The following CYP24A1 variants were observed in gnomAD, a reference collection of about 807,000 sequenced individuals.
The protein encoded by CYP24A1 is 1,25-dihydroxyvitamin D(3) 24-hydroxylase, mitochondrial.
CYP24A1 carries 68 observed loss-of-function variants against 62.4 expected under a neutral mutation model. The observed-to-expected ratio is 1.09, with a 90% CI of 0.90 to 1.33. CYP24A1 has a LOEUF of 1.33. CYP24A1 is among the 40% of genes most tolerant of loss of function. The pLI is 0.00. For missense variants in CYP24A1, 787 were observed against 653.0 expected, an observed-to-expected ratio of 1.21 and a Z score of -2.24; for synonymous variants, 267 against 253.0, an observed-to-expected ratio of 1.06 and a Z score of -0.52.
chr20:54,161,037 T>C (rs947641113), intron 7 of CYP24A1, among the ~76,000 whole-genome samples: 2 of 152,236 alleles, frequency 1.3e-5, no homozygotes, highest in African/African-American at 4.8e-5. Context: ...ATCAGGTGAT[T>C]CCCTTGCTTA....
Position 54,157,585 on chromosome 20 carries a change from T to C in CYP24A1, c.1237A>G (p.Thr413Ala). Reference sequence around the variant, plus strand: ...ACCTGGGTATTTAGCATGAGCACTGTCTAAACACATGCAGAGACACATAGT... The same window carrying C: ...ACCTGGGTATTTAGCATGAGCACTGCCTAAACACATGCAGAGACACATAGT... ...VLGEYALPKG[T>A]VLMLNTQVLG... Residue 413 changes from threonine to alanine, a missense_variant and splice_region_variant, in exon 10 of 12, where the codon ACA becomes GCA. Coordinates refer to ENST00000216862, the MANE Select transcript of CYP24A1 (RefSeq NM_000782.5). The C allele has an allele frequency of 6.6e-7, 1 of 1,526,496 alleles. No homozygotes were observed. 94.6% of individuals were successfully genotyped at this position (1,526,496 alleles called of 1,614,324 possible). A position where few individuals can be genotyped will look rare whatever the true frequency, so the allele number is the denominator to read the frequency against.
intron 3 of CYP24A1, 105 bp downstream of exon 3, chr20:54,171,472 G>T (rs1328897323): frequency 1.2e-6 from 2 of 1,605,766 alleles, no homozygotes; most frequent in South Asian, 1.1e-5. Context: ...TGAATCACCC[G>T]AATTGCATTC....
chr20:54,150,778 T>G (rs1010001933), downstream of CYP24A1, among the ~76,000 whole-genome samples: 1 of 152,246 alleles, frequency 6.6e-6, no homozygotes, highest in African/African-American at 2.4e-5. Flanking sequence ...AGTGTTCTCA[T>G]GAAGATCAGA....
Position 54,173,359 on chromosome 20 carries a change from A to C in CYP24A1, c.221T>G (p.Leu74Arg). Residue 74 changes from leucine (L) to arginine (R), a missense_variant, in exon 1 of 12, where the codon CTC becomes CGC. Transcript: ENST00000216862. This position sits in a 1 kb window ranked among gnomAD's most constrained non-coding sequence, Gnocchi z 7.2. Reference sequence around the variant, plus strand: ...CTGTTTCTTGAGACCCCCTTTCCAGAGAATCTGCAGCAGGCTGCCCAGCAG... The same window carrying C: ...CTGTTTCTTGAGACCCCCTTTCCAGCGAATCTGCAGCAGGCTGCCCAGCAG... ...WPLLGSLLQI[L>R]WKGGLKKQHD... 1 of 1,605,560 alleles carries C rather than the reference A, an allele frequency of 6.2e-7. No individual in the cohort carries two copies. Among genetic ancestry groups the C allele is most frequent in the Non-Finnish European group, 8.5e-7 (1 of 1,175,438 alleles).
the CYP24A1 span, among the ~76,000 whole-genome samples, chr20:54,145,639 C>CA: frequency 0.025 from 2,305 of 93,408 alleles, 27 homozygotes; most frequent in African/African-American, 0.031. Context: ...GACTCTGTCT[C>CA]AAAAAAAAAA....
At chr20:54,164,211 C>G (rs895193773) in intron 6 of CYP24A1, among the ~76,000 whole-genome samples, 3 of 152,192 alleles carry the variant, frequency 2.0e-5, no homozygotes, top group African/African-American at 7.2e-5. Flanking sequence ...GCTGGGATTA[C>G]AGGGGTGAGC....
chr20:54,156,393 C>T (rs2092628028), intron 11 of CYP24A1, among the ~76,000 whole-genome samples: 1 of 152,182 alleles, frequency 6.6e-6, no homozygotes, highest in Admixed American at 6.5e-5. Flanking sequence ...CTCAACCAAC[C>T]ATTGTTACTG....
Position 54,162,864 on chromosome 20 carries a change from T to C in CYP24A1, c.845-2A>G, listed in dbSNP as rs778754341. 3.2e-5 allele frequency: 50 copies of C among 1,556,994 alleles called. No individual in the cohort carries two copies. Among genetic ancestry groups the C allele is most frequent in the Non-Finnish European group, 4.1e-5 (46 of 1,128,394 alleles). On this transcript the variant is annotated splice_acceptor_variant, in intron 6 of 11. Transcript: ENST00000216862. LOFTEE classifies it high-confidence loss of function. Reference sequence around the variant, plus strand: ...ACCGGTTGTCGATACAAGCTTTGACTATTAGAGCAGAGAAGAAAGAGAGGA... The same window carrying C: ...ACCGGTTGTCGATACAAGCTTTGACCATTAGAGCAGAGAAGAAAGAGAGGA...
downstream of CYP24A1, chr20:54,153,308 T>C (rs991338090): frequency 1.3e-5 from 2 of 152,232 alleles, no homozygotes; most frequent in African/African-American, 4.8e-5. Flanking sequence ...AAAACTGCTA[T>C]TAAAGTCTAG....
chr20:54,159,503 T>G (rs577793558), intron 7 of CYP24A1, among the ~76,000 whole-genome samples: 1 of 151,668 alleles, frequency 6.6e-6, no homozygotes, highest in African/African-American at 2.4e-5. Context: ...CAAGCGATTC[T>G]CCTGCCTCAG....
intron 4 of CYP24A1, among the ~76,000 whole-genome samples, chr20:54,168,464 C>T (rs904880837): frequency 3.7e-4 from 56 of 152,106 alleles, no homozygotes; most frequent in African/African-American, 1.2e-3. Flanking sequence ...GCTTGTTCAT[C>T]GTGATCCACT....
At chr20:54,169,928 G>T (rs1189860949) in intron 3 of CYP24A1, among the ~76,000 whole-genome samples, 1 of 152,068 alleles carries the variant, frequency 6.6e-6, no homozygotes, top group Admixed American at 6.5e-5. Context: ...TTAAGTTTCA[G>T]CTTTTGATCT....
At chr20:54,163,563 C>T (rs367596318) in intron 6 of CYP24A1, among the ~76,000 whole-genome samples, 5 of 152,166 alleles carry the variant, frequency 3.3e-5, no homozygotes, top group South Asian at 2.1e-4. Context: ...ATCTTGGGAA[C>T]GTTGGCTAAC....
chr20:54,158,049 G>A (rs754897156), intron 9 of CYP24A1, 37 bp downstream of exon 9: 3 of 1,611,088 alleles, frequency 1.9e-6, no homozygotes, highest in Non-Finnish European at 2.5e-6. Context: ...TATCTTCCAA[G>A]GTTTTGTAAG....
Position 54,158,993 on chromosome 20 carries a change from A to C in CYP24A1, c.1121T>G (p.Met374Arg). 1.9e-6 allele frequency: 3 copies of C among 1,614,158 alleles called. No homozygotes were observed. Among genetic ancestry groups the C allele is most frequent in the Non-Finnish European group, 2.5e-6 (3 of 1,180,034 alleles). The change falls in exon 8 of 12, where the codon ATG becomes AGG. Residue 374 changes from methionine (M) to arginine (R), a missense_variant. Transcript: ENST00000216862. Reference sequence around the variant, plus strand: ...TTTCAGACAGGCTTTTAAATACGGCATATTCCTCAAATCTTCTGCCCGTGG... The same window carrying C: ...TTTCAGACAGGCTTTTAAATACGGCCTATTCCTCAAATCTTCTGCCCGTGG... ...QVPRAEDLRNMPYLKACLKES... is the reference protein window; with the variant it reads ...QVPRAEDLRNRPYLKACLKES...
chr20:54,173,392 C>A lies in CYP24A1; in HGVS notation c.188G>T (p.Ser63Ile), dbSNP rs772361457. The change falls in exon 1 of 12, where the codon AGC (serine) becomes ATC (isoleucine). Residue 63 changes from serine (S) to isoleucine (I), a missense_variant. By Grantham distance (142) the Ser-to-Ile change is moderately radical. Coordinates refer to ENST00000216862, the MANE Select transcript of CYP24A1 (RefSeq NM_000782.5). This position sits in a 1 kb window ranked among gnomAD's most constrained non-coding sequence, Gnocchi z 7.2. Reference protein sequence around the residue: ...QNAAALPGPTSWPLLGSLLQI... With the variant: ...QNAAALPGPTIWPLLGSLLQI... ...CAGCAGGCTGCCCAGCAGTGGCCAG[C>A]TGGTGGGGCCCGGCAGGGCGGCCGC... 1 of 1,591,732 alleles carries A rather than the reference C, an allele frequency of 6.3e-7. No individual in the cohort carries two copies. The highest frequency in any genetic ancestry group is 8.6e-7 in the Non-Finnish European group (1 of 1,167,738).
chr20:54,169,355 G>T (rs1214653330), intron 4 of CYP24A1, among the ~76,000 whole-genome samples: 1 of 152,196 alleles, frequency 6.6e-6, no homozygotes, highest in Non-Finnish European at 1.5e-5. Flanking sequence ...CATATCCCTA[G>T]TACCTAGCAC....
Position 54,173,616 on chromosome 20 carries a change from G to T in CYP24A1, c.-37C>A, listed in dbSNP as rs549112129. ...ACACCGGAGCGCGGGAAGGCAGGAG[G>T]ATGGGGTGGGGCGAGGTTGGTACGA... On this transcript the variant is annotated 5_prime_UTR_variant, in exon 1 of 12. Coordinates refer to ENST00000216862, the MANE Select transcript of CYP24A1 (RefSeq NM_000782.5). This position sits in a 1 kb window ranked among gnomAD's most constrained non-coding sequence, Gnocchi z 7.2. The T allele has an allele frequency of 8.8e-5, 134 of 1,514,244 alleles. No homozygotes were observed. Among genetic ancestry groups the T allele is most frequent in the Admixed American group, 3.5e-4 (19 of 54,154 alleles). 93.8% of individuals were successfully genotyped at this position (1,514,244 alleles called of 1,614,324 possible).
chr20:54,165,512 A>G lies in CYP24A1; in HGVS notation c.732+230T>C, dbSNP rs2585429. ...CCTGCCCCACCACCCTGCCCTGTCC[A>G]TGGAAAAATTGTCTTCCACGAAACT... is the stretch of plus-strand genomic sequence containing the variant. On this transcript the variant is annotated intron_variant, in intron 5 of 11. Transcript: ENST00000216862. Among the ~76,000 whole-genome samples, 55,607 of 152,084 alleles carry G rather than the reference A, an allele frequency of 0.37. 10,769 individuals carry two copies. Among genetic ancestry groups the G allele is most frequent in the East Asian group, 0.52 (2,671 of 5,176 alleles).
Sources: allele counts gnomAD v4.1 joint callset (sites outside exome capture counted in the v4.1 genomes callset), GRCh38; gene constraint gnomAD v4.1.1; non-coding constraint Gnocchi (gnomAD v3.1); transcripts MANE v1.5; gene names NCBI Gene and HGNC (gene_info 2026-07-23, HGNC 2026-07-21).